The following SPATA31H1 variants were observed in gnomAD, a reference collection of about 807,000 sequenced individuals.
The protein encoded by SPATA31H1 is SPATA31 subfamily H member 1, also known as spermatogenesis-associated protein 31H1.
the SPATA31H1 span, chr2:27,581,638 C>T: frequency 6.2e-7 from 1 of 1,612,732 alleles, no homozygotes; most frequent in South Asian, 1.1e-5. Context: ...CATTGCAGTC[C>T]CTCTGAGAGA....
the SPATA31H1 span, among the ~76,000 whole-genome samples, chr2:27,539,333 G>A: frequency 1.4e-5 from 2 of 145,996 alleles, no homozygotes; most frequent in South Asian, 4.3e-4. Flanking sequence ...CGAGCATGCT[G>A]CCTTCAAGCA....
the SPATA31H1 span, among the ~76,000 whole-genome samples, chr2:27,557,711 G>A: frequency 6.9e-4 from 7 of 10,204 alleles, no homozygotes; most frequent in East Asian, 5.2e-3. Flanking sequence ...CAGTAGGGGC[G>A]GCCGGGCAGA....
At chr2:27,553,805 C>G in the SPATA31H1 span, among the ~76,000 whole-genome samples, 1 of 151,840 alleles carries the variant, frequency 6.6e-6, no homozygotes, top group Non-Finnish European at 1.5e-5. Flanking sequence ...GCCTGTAATC[C>G]CAGCTACTCG....
the SPATA31H1 span, among the ~76,000 whole-genome samples, chr2:27,555,012 A>G: frequency 6.6e-6 from 1 of 152,014 alleles, no homozygotes; most frequent in African/African-American, 2.4e-5. Flanking sequence ...TGGGGGGGAC[A>G]TAAACATTGA....
chr2:27,547,889 TA>T, the SPATA31H1 span, among the ~76,000 whole-genome samples: 1 of 151,746 alleles, frequency 6.6e-6, no homozygotes, highest in Non-Finnish European at 1.5e-5. Context: ...ATTTCATTTG[TA>T]AATATTTTAG....
the SPATA31H1 span, chr2:27,577,742 G>A: frequency 1.2e-6 from 2 of 1,613,974 alleles, no homozygotes; most frequent in African/African-American, 1.3e-5. This position sits in a 1 kb window ranked among gnomAD's most constrained non-coding sequence, Gnocchi z 4.5. Context: ...GATCTCCAGG[G>A]ATAATATCAG....
chr2:27,570,229 A>G, the SPATA31H1 span: 5 of 398,802 alleles, frequency 1.3e-5, no homozygotes, highest in Non-Finnish European at 2.2e-5. Flanking sequence ...TCATCTTTGC[A>G]GTCAAGCCAA....
the SPATA31H1 span, among the ~76,000 whole-genome samples, chr2:27,561,832 G>A: frequency 6.6e-6 from 1 of 152,120 alleles, no homozygotes; most frequent in African/African-American, 2.4e-5. Context: ...CTGAGTAGCT[G>A]GGACCACAGG....
the SPATA31H1 span, among the ~76,000 whole-genome samples, chr2:27,541,634 G>C: frequency 6.6e-6 from 1 of 152,020 alleles, no homozygotes; most frequent in African/African-American, 2.4e-5. Flanking sequence ...CACATGAAAA[G>C]TTGTGAATGT....
At chr2:27,581,405 GA>G in the SPATA31H1 span, 1 of 1,614,030 alleles carries the variant, frequency 6.2e-7, no homozygotes, top group Non-Finnish European at 8.5e-7. Flanking sequence ...GTCCGTCTCA[GA>G]GAAATCACTG....
At chr2:27,566,285 C>T in the SPATA31H1 span, 1 of 717,246 alleles carries the variant, frequency 1.4e-6, no homozygotes, top group Non-Finnish European at 2.6e-6. Flanking sequence ...ACTGTTGCAT[C>T]CAGTGTTTCA....
At chr2:27,539,174 C>T in the SPATA31H1 span, among the ~76,000 whole-genome samples, 2 of 133,236 alleles carry the variant, frequency 1.5e-5, no homozygotes, top group African/African-American at 6.0e-5. Context: ...TTGGCAGGGT[C>T]ATAGGACAAT....
the SPATA31H1 span, chr2:27,579,797 C>A: frequency 1.2e-5 from 20 of 1,614,148 alleles, no homozygotes; most frequent in East Asian, 4.5e-4. Flanking sequence ...TTTCCCAGGC[C>A]AAGACTGACT....
chr2:27,579,867 A>G, the SPATA31H1 span: 1 of 1,614,246 alleles, frequency 6.2e-7, no homozygotes, highest in East Asian at 2.2e-5. Flanking sequence ...AAAACTCTTA[A>G]GGAGTCAAAT....
At chr2:27,576,917 C>A in the SPATA31H1 span, 8 of 1,614,070 alleles carry the variant, frequency 5.0e-6, no homozygotes, top group Non-Finnish European at 5.9e-6. Flanking sequence ...ATTATCAAAT[C>A]ATGGAATCCT....
chr2:27,543,573 C>A, the SPATA31H1 span, among the ~76,000 whole-genome samples: 1 of 150,622 alleles, frequency 6.6e-6, no homozygotes, highest in Non-Finnish European at 1.5e-5. Context: ...AGTCCAGTAT[C>A]ATTTTTCCTC....
the SPATA31H1 span, chr2:27,571,815 T>C: frequency 2.5e-6 from 1 of 398,330 alleles, no homozygotes; most frequent in Admixed American, 4.4e-5. Flanking sequence ...GTTGACCCCA[T>C]GGCAAAAGAG....
At chr2:27,562,688 C>T in the SPATA31H1 span, among the ~76,000 whole-genome samples, 2 of 151,154 alleles carry the variant, frequency 1.3e-5, no homozygotes, top group Admixed American at 6.6e-5. Context: ...AGTTTGAGTT[C>T]GAGACCAGCT....
At chr2:27,568,679 G>A in the SPATA31H1 span, 128 of 398,816 alleles carry the variant, frequency 3.2e-4, no homozygotes, top group Non-Finnish European at 4.7e-4. Flanking sequence ...CAAAATCTGC[G>A]GAGTTGGCCC....
Sources: gnomAD v4.1 joint callset for allele counts (sites outside exome capture counted in the v4.1 genomes callset) on GRCh38, gnomAD v4.1.1 for gene constraint, Gnocchi (gnomAD v3.1) non-coding constraint, MANE v1.5 for transcripts, NCBI Gene and HGNC (gene_info 2026-07-23, HGNC 2026-07-21) for gene names.